FAT3: variants seen among roughly 807,000 people sequenced by gnomAD.
FAT3 encodes the protein FAT atypical cadherin 3, also known as protocadherin Fat 3.
A neutral mutation model predicts 310.2 loss-of-function variants in FAT3; 95 were observed. That is an observed-to-expected ratio of 0.31 (90% CI 0.26 to 0.36). FAT3 has a LOEUF of 0.36. Among genes scored for constraint, FAT3 ranks in the 10% least tolerant of loss-of-function variants. The pLI, the probability that FAT3 is intolerant of heterozygous loss-of-function variation, is 1.00. For synonymous variants in FAT3, 2,314 were observed against 2,192.9 expected, an observed-to-expected ratio of 1.06 and a Z score of -1.54; for missense variants, 5,408 against 5,715.6, an observed-to-expected ratio of 0.95 and a Z score of 1.74.
At chr11:92,527,827 A>G (rs1489399322) in intron 3 of FAT3, among the ~76,000 whole-genome samples, 1 of 152,038 alleles carries the variant, frequency 6.6e-6, no homozygotes, top group Non-Finnish European at 1.5e-5. Flanking sequence ...GTAGATAGAT[A>G]GATAGATACA....
At chr11:92,513,385 A>G (rs573996839) in intron 2 of FAT3, among the ~76,000 whole-genome samples, 31 of 152,348 alleles carry the variant, frequency 2.0e-4, no homozygotes, top group Admixed American at 1.9e-3. Flanking sequence ...GAATAGAACA[A>G]GAAAGAAAAA....
At chr11:92,345,480 A>G (rs903040032) in intron 1 of FAT3, among the ~76,000 whole-genome samples, 2 of 152,204 alleles carry the variant, frequency 1.3e-5, no homozygotes, top group African/African-American at 4.8e-5. Context: ...ACTTGTTAGA[A>G]TTTTAAATTC....
In FAT3 at chr11:92,837,691, C is replaced by G; in HGVS notation, c.10253C>G (p.Ala3418Gly). ...RVSGYSLLVQ[A>G]VDSGIPAMSS... ...TCTGGATACTCTCTGCTTGTCCAGG[C>G]CGTAGACAGTGGCATTCCTGCAATG... Residue 3418 changes from alanine (A) to glycine (G), a missense_variant, in exon 17 of 28, where the codon GCC becomes GGC. Around this residue, in one of 5 missense-constraint regions of FAT3, gnomAD observed 4,588 missense variants for 4,809.8 expected, o/e 0.95. Transcript: ENST00000525166. The G allele has an allele frequency of 2.5e-6, 4 of 1,613,862 alleles. No homozygotes were observed. The highest frequency in any genetic ancestry group is 3.4e-6 in the Non-Finnish European group (4 of 1,179,858).
rs145417838 is a variant in FAT3, at chr11:92,572,743, T to G, written c.3607+47795T>G. Among the ~76,000 whole-genome samples, 843 of 152,306 alleles carry G rather than the reference T, an allele frequency of 5.5e-3. 5 individuals carry two copies. The highest frequency in any genetic ancestry group is 0.019 in the African/African-American group (800 of 41,564). On this transcript the variant is annotated intron_variant, in intron 3 of 27. Transcript: ENST00000525166. ...GGTAAGTTGTCCTTGTTCAGCCTAT[T>G]GGGTTACCATGACAACAGAATCCTT...
At chr11:92,803,368 A>G (rs968613161) in intron 10 of FAT3, among the ~76,000 whole-genome samples, 1 of 152,224 alleles carries the variant, frequency 6.6e-6, no homozygotes, top group African/African-American at 2.4e-5. Flanking sequence ...ATGTAACACA[A>G]CTTGGCTGTG....
chr11:92,353,445 C>A lies in FAT3; in HGVS notation c.1333C>A (p.Leu445Met). 6.2e-7 allele frequency: 1 copy of A among 1,613,552 alleles called. No individual in the cohort carries two copies. Among genetic ancestry groups the A allele is most frequent in the Non-Finnish European group, 8.5e-7 (1 of 1,179,762 alleles). The stretch of plus-strand genomic sequence containing the variant: ...TACTGTTAAGAAGGAGGTTTATAAA[C>A]TGGAGGTGACAAACAAGGAAGGAGA... The part of the protein sequence containing the change: ...LNTVKKEVYK[L>M]EVTNKEGDLK... The change falls in exon 2 of 28, where the codon CTG becomes ATG. Residue 445 changes from leucine to methionine, a missense_variant. By Grantham distance (15) the Leu-to-Met change is conservative (BLOSUM62 2). This residue lies in a region of FAT3 where 4,588 missense variants were observed against 4,809.8 expected (regional missense o/e 0.95). Transcript: ENST00000525166.
chr11:92,482,687 C>T (rs1419980385), intron 2 of FAT3, among the ~76,000 whole-genome samples: 1 of 152,168 alleles, frequency 6.6e-6, no homozygotes, highest in Admixed American at 6.5e-5. Flanking sequence ...ACAGTAACCT[C>T]TCAAAACCTC....
At chr11:92,431,633 T>C (rs921926028) in intron 2 of FAT3, among the ~76,000 whole-genome samples, 3 of 152,224 alleles carry the variant, frequency 2.0e-5, no homozygotes, top group Non-Finnish European at 4.4e-5. Context: ...TCTAGGGTTT[T>C]TATGGTTTTA....
rs554120723 is a variant in FAT3 at position 92,234,204 on chromosome 11, A to G, written c.-18+9030A>G. Among the ~76,000 whole-genome samples the G allele has an allele frequency of 3.3e-3, 498 of 152,366 alleles. 1 individual carries two copies. The highest frequency in any genetic ancestry group is 6.8e-3 in the Middle Eastern group (2 of 294). ...GTGGCAAATTATTTTTATAAAGTAA[A>G]TAACAATTTGTCTCTCTTACATTTA... is the stretch of plus-strand genomic sequence containing the variant. On this transcript the variant is annotated intron_variant, in intron 1 of 27. Coordinates refer to ENST00000525166, the MANE Select transcript of FAT3 (RefSeq NM_001367949.2).
chr11:92,748,369 A>G (rs1191646743), intron 4 of FAT3, among the ~76,000 whole-genome samples: 1 of 152,178 alleles, frequency 6.6e-6, no homozygotes, highest in African/African-American at 2.4e-5. Flanking sequence ...GGGGATTATT[A>G]CAATTCAAGG....
intron 2 of FAT3, among the ~76,000 whole-genome samples, chr11:92,402,855 A>G (rs535226723): frequency 6.6e-6 from 1 of 152,126 alleles, no homozygotes; most frequent in East Asian, 1.9e-4. Context: ...AAAAAAAAAA[A>G]AGGCCAGCAC....
Position 92,355,251 on chromosome 11 carries a change from G to A in FAT3, c.3139G>A (p.Ala1047Thr), listed in dbSNP as rs1053403804. 1 of 1,613,802 alleles carries A rather than the reference G, an allele frequency of 6.2e-7. No individual in the cohort carries two copies. Among genetic ancestry groups the A allele is most frequent in the Non-Finnish European group, 8.5e-7 (1 of 1,179,856 alleles). Residue 1047 changes from alanine (A) to threonine (T), a missense_variant, in exon 2 of 28, where the codon GCT becomes ACT. Transcript: ENST00000525166. ...CCACACTCCCTATTTCCCAGACTTTGCTGTTGTTGGATCTGTAAAGGAAAA... is the reference window on the plus strand; with the variant it reads ...CCACACTCCCTATTTCCCAGACTTTACTGTTGTTGGATCTGTAAAGGAAAA... ...NLHTPYFPDF[A>T]VVGSVKENSR...
chr11:92,721,548 A>G (rs938250332), intron 4 of FAT3, among the ~76,000 whole-genome samples: 3 of 152,220 alleles, frequency 2.0e-5, no homozygotes, highest in African/African-American at 4.8e-5. Context: ...ACAAATTGCA[A>G]TTGCAATATT....
chr11:92,436,874 CA>C (rs1950951729), intron 2 of FAT3, among the ~76,000 whole-genome samples: 1 of 152,126 alleles, frequency 6.6e-6, no homozygotes, highest in Non-Finnish European at 1.5e-5. Flanking sequence ...AAAGAAATAT[CA>C]AGATAAGACA....
intron 4 of FAT3, among the ~76,000 whole-genome samples, chr11:92,702,066 C>A (rs1944112111): frequency 1.3e-5 from 2 of 152,282 alleles, no homozygotes; most frequent in South Asian, 4.1e-4. Flanking sequence ...GGCTATTGAA[C>A]CTCTCTGGAT....
intron 1 of FAT3, among the ~76,000 whole-genome samples, chr11:92,290,105 A>G (rs999550603): frequency 5.3e-5 from 8 of 151,990 alleles, no homozygotes; most frequent in South Asian, 2.1e-4. Flanking sequence ...CATCATCTGC[A>G]TGGCTCACTC....
At chr11:92,247,745 A>G (rs1017849673) in intron 1 of FAT3, among the ~76,000 whole-genome samples, 1 of 133,192 alleles carries the variant, frequency 7.5e-6, no homozygotes, top group African/African-American at 2.8e-5. Context: ...TTTTTTTTAT[A>G]TTCAAGCTTC....
intron 4 of FAT3, among the ~76,000 whole-genome samples, chr11:92,708,441 T>C (rs565222862): frequency 6.6e-6 from 1 of 152,348 alleles, no homozygotes; most frequent in Admixed American, 6.5e-5. Context: ...TACAGCCAAA[T>C]TACTTAATCT....
intron 13 of FAT3, among the ~76,000 whole-genome samples, chr11:92,823,977 A>G (rs1948037565): frequency 6.6e-6 from 1 of 152,146 alleles, no homozygotes. Context: ...AAGCTGTTTC[A>G]TTGTAGTGGG....
Sources: allele counts gnomAD v4.1 joint callset (sites outside exome capture counted in the v4.1 genomes callset), GRCh38; gene constraint gnomAD v4.1.1; regional missense constraint gnomAD v4.1.1; transcripts MANE v1.5; gene names NCBI Gene and HGNC (gene_info 2026-07-23, HGNC 2026-07-21).